WDFY4: variants seen among roughly 807,000 people sequenced by gnomAD.
The protein encoded by WDFY4 is WDFY family member 4.
Under a neutral mutation model 351.9 loss-of-function variants are expected in WDFY4, and 169 were observed. The observed-to-expected ratio is 0.48, with a 90% CI of 0.42 to 0.55. The LOEUF is 0.55. WDFY4 is among the 20% of genes least tolerant of loss of function. WDFY4 has a pLI of 0.00. For synonymous variants in WDFY4, 1,622 were observed against 1,574.6 expected (o/e 1.03, Z -0.71); for missense variants, 3,803 against 3,935.6 (o/e 0.97, Z 0.90).
intron 47 of WDFY4, among the ~76,000 whole-genome samples, chr10:48,933,609 C>A (rs558304232): frequency 6.6e-6 from 1 of 152,292 alleles, no homozygotes; most frequent in Non-Finnish European, 1.5e-5. Context: ...TCATCCCTCC[C>A]TGAAAAAGAA....
At chr10:48,765,167 G>A (rs750955511) in intron 13 of WDFY4, among the ~76,000 whole-genome samples, 1 of 152,224 alleles carries the variant, frequency 6.6e-6, no homozygotes, top group African/African-American at 2.4e-5. Flanking sequence ...GGAGGACCTC[G>A]AATGTTGAGC....
At chr10:48,697,082 C>A (rs369154966) in intron 1 of WDFY4, among the ~76,000 whole-genome samples, 160 of 152,220 alleles carry the variant, frequency 1.1e-3, no homozygotes, top group African/African-American at 3.7e-3. Context: ...TGCTTACCAG[C>A]GAGTCAAGGC....
At chr10:48,707,032 A>T (rs560562288) in intron 1 of WDFY4, among the ~76,000 whole-genome samples, 139 of 152,324 alleles carry the variant, frequency 9.1e-4, no homozygotes, top group African/African-American at 3.2e-3. Context: ...AATTTTCAAA[A>T]CTAACAAAGG....
chr10:48,946,273 G>A (rs1841039636), intron 50 of WDFY4, 116 bp downstream of exon 50: 2 of 819,800 alleles, frequency 2.4e-6, no homozygotes, highest in East Asian at 2.9e-5. Flanking sequence ...TTTGAATAGA[G>A]GACTCTAACC....
intron 13 of WDFY4, among the ~76,000 whole-genome samples, chr10:48,770,320 G>A (rs1444569721): frequency 6.6e-6 from 1 of 152,058 alleles, no homozygotes; most frequent in African/African-American, 2.4e-5. Flanking sequence ...TATGTTGGGG[G>A]GAAAGAAGCA....
intron 47 of WDFY4, among the ~76,000 whole-genome samples, chr10:48,915,809 G>A (rs1838472846): frequency 6.6e-6 from 1 of 152,130 alleles, no homozygotes; most frequent in Non-Finnish European, 1.5e-5. Flanking sequence ...CTTAGCTCTT[G>A]GCAGCATTGA....
intron 34 of WDFY4, among the ~76,000 whole-genome samples, chr10:48,821,737 TCTC>T (rs1217198557): frequency 6.6e-6 from 1 of 152,184 alleles, no homozygotes; most frequent in Non-Finnish European, 1.5e-5. Context: ...ACTCTGGACT[TCTC>T]CTTGCCTCCT....
chr10:48,927,495 A>G (rs1839674136), intron 47 of WDFY4, among the ~76,000 whole-genome samples: 2 of 152,234 alleles, frequency 1.3e-5, no homozygotes, highest in African/African-American at 4.8e-5. Context: ...CCTGTAAAGT[A>G]GCAAATGGAG....
At position 48,972,551 on chromosome 10, in the gene WDFY4, C is replaced by T. The variant is rs762023133; in HGVS notation, c.8928+2262C>T. ...ATTCCATTTCCATAAAATTGCATTTCGATTGTTTTGTTATGTCAGTGCACT... is the reference window on the plus strand; with the variant it reads ...ATTCCATTTCCATAAAATTGCATTTTGATTGTTTTGTTATGTCAGTGCACT... On this transcript the variant is annotated intron_variant, in intron 57 of 61. Coordinates refer to ENST00000325239, the MANE Select transcript of WDFY4 (RefSeq NM_001394531.1). Among the ~76,000 whole-genome samples the T allele has an allele frequency of 3.3e-5, 5 of 152,112 alleles. No homozygotes were observed. In the East Asian group the frequency reaches 7.7e-4, roughly 23 times the overall value.
intron 24 of WDFY4, chr10:48,802,664 T>C (rs2067123139): frequency 2.1e-6 from 1 of 470,762 alleles, no homozygotes; most frequent in Admixed American, 2.3e-5. Context: ...GAAAACAACC[T>C]GAGTGATCAA....
At chr10:48,701,445 C>T (rs1302521658) in intron 1 of WDFY4, among the ~76,000 whole-genome samples, 3 of 152,148 alleles carry the variant, frequency 2.0e-5, no homozygotes, top group African/African-American at 7.2e-5. Context: ...TGTAATTGAC[C>T]TACCTTGTCT....
rs1334360476 is a variant in WDFY4, at chr10:48,730,580, T to A, written c.1130-530T>A. On this transcript the variant is annotated intron_variant, in intron 8 of 61. Coordinates refer to ENST00000325239, the MANE Select transcript of WDFY4 (RefSeq NM_001394531.1). ...TTATCAGCTTGTCTAGAAACAAAAC[T>A]GATTTTGCTAGTAATCTCCAACATC... Among the ~76,000 whole-genome samples the A allele has an allele frequency of 1.3e-5, 2 of 152,232 alleles. 1 individual carries two copies. The highest frequency in any genetic ancestry group is 3.8e-4 in the East Asian group (2 of 5,202).
At chr10:48,724,101 C>T (rs1229747896) in intron 5 of WDFY4, among the ~76,000 whole-genome samples, 1 of 152,152 alleles carries the variant, frequency 6.6e-6, no homozygotes, top group Admixed American at 6.5e-5. Flanking sequence ...CTTCCCCTGC[C>T]CACTTCCGGG....
At chr10:48,802,861 G>T (rs1341337947) in intron 24 of WDFY4, 1 of 479,758 alleles carries the variant, frequency 2.1e-6, no homozygotes, top group East Asian at 6.8e-5. Context: ...CTTGCTGGTG[G>T]TGAGTGGAGA....
chr10:48,780,153 C>T (rs1160897418), intron 19 of WDFY4, 34 bp downstream of exon 19: 1 of 1,549,938 alleles, frequency 6.5e-7, no homozygotes, highest in Non-Finnish European at 8.7e-7. Flanking sequence ...ACTTGCCCCA[C>T]AACCATACCT....
intron 1 of WDFY4, among the ~76,000 whole-genome samples, chr10:48,690,383 T>C (rs1247917141): frequency 6.6e-6 from 1 of 152,166 alleles, no homozygotes; most frequent in Admixed American, 6.5e-5. Flanking sequence ...TGATATGGGA[T>C]GTTTGGGGTG....
Position 48,832,692 on chromosome 10 carries a change from C to G in WDFY4, c.6646C>G (p.Pro2216Ala). Residue 2216 changes from proline (P) to alanine (A), a missense_variant, in exon 39 of 62, where the codon CCT becomes GCT. By Grantham distance (27) the Pro-to-Ala change is conservative. This residue lies in a region of WDFY4 where 3,054 missense variants were observed against 3,148.6 expected (regional missense o/e 0.97). Transcript: ENST00000325239. ...KLMPGRQAKD[P>A]ECKTEDFVSC... is the part of the protein sequence containing the mutation. The stretch of plus-strand genomic sequence containing the variant: ...GATGCCCGGGCGGCAGGCCAAGGAC[C>G]CTGAGTGCAAGACAGAGGTGAGCCC... The G allele has an allele frequency of 6.5e-7, 1 of 1,548,634 alleles. No homozygotes were observed. Among genetic ancestry groups the G allele is most frequent in the Non-Finnish European group, 8.7e-7 (1 of 1,145,358 alleles).
intron 47 of WDFY4, chr10:48,910,264 G>T (rs1837877569): frequency 6.2e-7 from 1 of 1,613,528 alleles, no homozygotes; most frequent in Non-Finnish European, 8.5e-7. Flanking sequence ...GTATTCTGGG[G>T]ATGGAGACAC....
chr10:48,727,492 C>T lies in WDFY4; in HGVS notation c.804C>T (p.Ser268=), dbSNP rs1202062720. 1 of 1,551,712 alleles carries T rather than the reference C, an allele frequency of 6.4e-7. No individual in the cohort carries two copies. Residue 268 remains serine, a synonymous_variant, in exon 7 of 62, where the codon TCC becomes TCT. Coordinates refer to ENST00000325239, the MANE Select transcript of WDFY4 (RefSeq NM_001394531.1). Reference sequence around the variant, plus strand: ...CAGCCACAGACTGTGTCAGGCTCTCCCTCCAGAACCTCTCCAGGCTCACGG... The same window carrying T: ...CAGCCACAGACTGTGTCAGGCTCTCTCTCCAGAACCTCTCCAGGCTCACGG... ...YLQATDCVRL[S]LQNLSRLTDT... is the part of the protein sequence containing the mutation.
Sources: gnomAD v4.1 joint callset for allele counts (sites outside exome capture counted in the v4.1 genomes callset) on GRCh38, gnomAD v4.1.1 for gene constraint, gnomAD v4.1.1 regional missense constraint, MANE v1.5 for transcripts, NCBI Gene and HGNC (gene_info 2026-07-23, HGNC 2026-07-21) for gene names.